DCC: variants seen among roughly 807,000 people sequenced by gnomAD.
DCC encodes netrin receptor DCC.
In DCC, 58 loss-of-function variants were observed where a neutral mutation model predicts 172.5. That is an observed-to-expected ratio of 0.34 (90% CI 0.27 to 0.42). The LOEUF (loss-of-function observed/expected upper bound fraction) is 0.42, where lower values mean the gene tolerates loss of function less well. Among genes scored for constraint, DCC ranks in the 10% least tolerant of loss-of-function variants. The pLI is 1.00. For synonymous variants in DCC, 709 were observed against 644.5 expected (o/e 1.10, Z -1.52); for missense variants, 1,740 against 1,791.0 (o/e 0.97, Z 0.51).
At chr18:52,772,866 T>A (rs1261966379) in intron 2 of DCC, among the ~76,000 whole-genome samples, 10 of 152,228 alleles carry the variant, frequency 6.6e-5, no homozygotes, top group Non-Finnish European at 4.4e-5. Flanking sequence ...TGTTTCTCCT[T>A]CTTGCTTATC....
Position 52,651,222 on chromosome 18 carries a change from G to A in DCC, c.92-100832G>A, listed in dbSNP as rs553458794. 1.2e-4 allele frequency among the ~76,000 whole-genome samples: 18 copies of A among 152,266 alleles called. No individual in the cohort carries two copies. In the East Asian group the frequency reaches 2.1e-3, roughly 18 times the overall value. ...CTGTTGGCCAAGCTGGAGTGCAGTG[G>A]TACAAACATGGCTCACTGCAGCCTT... On this transcript the variant is annotated intron_variant, in intron 1 of 28. Coordinates refer to ENST00000442544, the MANE Select transcript of DCC (RefSeq NM_005215.4).
At chr18:53,056,654 C>T (rs1487312996) in intron 5 of DCC, among the ~76,000 whole-genome samples, 1 of 152,048 alleles carries the variant, frequency 6.6e-6, no homozygotes, top group Non-Finnish European at 1.5e-5. Flanking sequence ...GATTAATGGC[C>T]TTATTATGTC....
At chr18:52,594,321 T>C (rs2033863508) in intron 1 of DCC, among the ~76,000 whole-genome samples, 2 of 152,220 alleles carry the variant, frequency 1.3e-5, no homozygotes, top group Non-Finnish European at 2.9e-5. Context: ...CTGCAATTTA[T>C]AATTCTTGTC....
At chr18:53,428,655 A>G (rs1911302999) in intron 21 of DCC, among the ~76,000 whole-genome samples, 1 of 66,770 alleles carries the variant, frequency 1.5e-5, no homozygotes, top group South Asian at 4.9e-4. Flanking sequence ...ATTTTTATAT[A>G]TAATGTATAT....
At chr18:52,687,096 C>T (rs1030492125) in intron 1 of DCC, among the ~76,000 whole-genome samples, 10 of 152,040 alleles carry the variant, frequency 6.6e-5, no homozygotes, top group African/African-American at 2.4e-4. Flanking sequence ...TCCTGACCCT[C>T]CCCCATAACC....
intron 1 of DCC, among the ~76,000 whole-genome samples, chr18:52,378,079 A>G (rs1985429536): frequency 6.6e-6 from 1 of 151,898 alleles, no homozygotes; most frequent in Admixed American, 6.6e-5. Flanking sequence ...TGGAATCTGT[A>G]TTTTCATGTA....
chr18:52,681,698 T>C (rs1303344227), intron 1 of DCC, among the ~76,000 whole-genome samples: 1 of 152,078 alleles, frequency 6.6e-6, no homozygotes, highest in African/African-American at 2.4e-5. Context: ...TTACTGCTAG[T>C]TCACTAGTAG....
In DCC at chr18:52,450,514, C is replaced by G. The variant is rs528879909; in HGVS notation, c.91+109636C>G. 5.9e-5 allele frequency among the ~76,000 whole-genome samples: 9 copies of G among 152,224 alleles called. No homozygotes were observed. The South Asian group carries it at 1.9e-3, about 32-fold the overall frequency. On this transcript the variant is annotated intron_variant, in intron 1 of 28. Coordinates refer to ENST00000442544, the MANE Select transcript of DCC (RefSeq NM_005215.4). ...ATTCTCAAAATTGTCCTGTTTTGAA[C>G]AATAAATTAAGTGGTTATTCTAGCT...
chr18:53,513,010 C>G (rs1023295522), intron 27 of DCC, among the ~76,000 whole-genome samples: 1 of 152,066 alleles, frequency 6.6e-6, no homozygotes, highest in Non-Finnish European at 1.5e-5. Context: ...ACATAATTGT[C>G]AGATTCACCA....
chr18:53,480,668 T>C (rs1472007699), intron 25 of DCC, among the ~76,000 whole-genome samples: 3 of 152,130 alleles, frequency 2.0e-5, no homozygotes, highest in African/African-American at 4.8e-5. Flanking sequence ...TCTGACCCTG[T>C]ACTCTGTTGC....
chr18:52,583,764 T>G (rs1397108633), intron 1 of DCC, among the ~76,000 whole-genome samples: 1 of 152,240 alleles, frequency 6.6e-6, no homozygotes, highest in South Asian at 2.1e-4. Flanking sequence ...TTCTCAGGTT[T>G]AACAACGTAA....
At chr18:52,374,375 T>G (rs1985257552) in intron 1 of DCC, among the ~76,000 whole-genome samples, 1 of 152,146 alleles carries the variant, frequency 6.6e-6, no homozygotes, top group Non-Finnish European at 1.5e-5. Flanking sequence ...CTGAATTTTT[T>G]AAGTCAGAGC....
Position 52,952,074 on chromosome 18 carries a change from A to G in DCC, c.985+26704A>G, listed in dbSNP as rs571422069. Reference sequence around the variant, plus strand: ...GCTAATCTAGCTTTGAAAAAGATCAATCTATATATTATGATCACTTCTTCT... The same window carrying G: ...GCTAATCTAGCTTTGAAAAAGATCAGTCTATATATTATGATCACTTCTTCT... On this transcript the variant is annotated intron_variant, in intron 5 of 28. Coordinates refer to ENST00000442544, the MANE Select transcript of DCC (RefSeq NM_005215.4). Among the ~76,000 whole-genome samples, 16 of 152,292 alleles carry G rather than the reference A, an allele frequency of 1.1e-4. No homozygotes were observed. In the East Asian group the frequency reaches 2.7e-3, roughly 26 times the overall value.
At chr18:53,496,009 A>T (rs1371075237) in intron 26 of DCC, among the ~76,000 whole-genome samples, 1 of 152,156 alleles carries the variant, frequency 6.6e-6, no homozygotes, top group Non-Finnish European at 1.5e-5. Context: ...ACCTGGGGGA[A>T]GGGGCAGCTA....
chr18:53,288,542 C>T lies in DCC; in HGVS notation c.1912-17036C>T, dbSNP rs554187689. ...GTAATTATTTTGGAATAGTTTTATT[C>T]TTTTCCTTGTAATCTAATGGCTTTT... On this transcript the variant is annotated intron_variant, in intron 12 of 28. Coordinates refer to ENST00000442544, the MANE Select transcript of DCC (RefSeq NM_005215.4). 3.3e-3 allele frequency among the ~76,000 whole-genome samples: 506 copies of T among 152,082 alleles called. 4 individuals are homozygous for T. Among genetic ancestry groups the T allele is most frequent in the Middle Eastern group, 0.017 (5 of 294 alleles).
At chr18:52,681,095 C>T (rs2035742737) in intron 1 of DCC, among the ~76,000 whole-genome samples, 1 of 151,972 alleles carries the variant, frequency 6.6e-6, no homozygotes, top group Admixed American at 6.6e-5. Flanking sequence ...TTTATACTAT[C>T]ACATTTTAAT....
chr18:52,623,583 T>C (rs988368063), intron 1 of DCC, among the ~76,000 whole-genome samples: 9 of 152,208 alleles, frequency 5.9e-5, no homozygotes, highest in African/African-American at 2.2e-4. Flanking sequence ...TTTAATCTCA[T>C]TACACAGTTT....
In DCC at chr18:52,785,369, A is replaced by G. The variant is rs962768423; in HGVS notation, c.412+32995A>G. Among the ~76,000 whole-genome samples, 11 of 152,132 alleles carry G rather than the reference A, an allele frequency of 7.2e-5. No individual in the cohort carries two copies. The East Asian group carries it at 2.1e-3, about 29-fold the overall frequency. On this transcript the variant is annotated intron_variant, in intron 2 of 28. Coordinates refer to ENST00000442544, the MANE Select transcript of DCC (RefSeq NM_005215.4). ...AGAAAATGATTTGGGGCTGCTTTTC[A>G]TTAAAGAGAAAAGCATTACCAAAGA...
chr18:52,801,609 T>A (rs2037986663), intron 2 of DCC, among the ~76,000 whole-genome samples: 1 of 152,352 alleles, frequency 6.6e-6, no homozygotes, highest in African/African-American at 2.4e-5. Context: ...CCTCTTGGAC[T>A]TCTCAAAGTT....
Sources: allele counts gnomAD v4.1 joint callset (sites outside exome capture counted in the v4.1 genomes callset), GRCh38; gene constraint gnomAD v4.1.1; transcripts MANE v1.5; gene names NCBI Gene and HGNC (gene_info 2026-07-23, HGNC 2026-07-21).